HMCN1: variants seen among roughly 807,000 people sequenced by gnomAD.
The protein encoded by HMCN1 is hemicentin-1.
Under a neutral mutation model 625.9 loss-of-function variants are expected in HMCN1, and 321 were observed. The ratio of observed to expected loss-of-function variants is 0.51; its 90% CI spans 0.47 to 0.56. HMCN1 has a LOEUF of 0.56. Among genes scored for constraint, HMCN1 ranks in the 20% least tolerant of loss-of-function variants. HMCN1 has a pLI of 0.00. For synonymous variants in HMCN1, 2,425 were observed against 2,417.6 expected (o/e 1.00, Z -0.09); for missense variants, 6,588 against 6,887.3 (o/e 0.96, Z 1.54).
intron 56 of HMCN1, among the ~76,000 whole-genome samples, chr1:186,082,642 C>T (rs1282084406): frequency 6.6e-6 from 1 of 152,010 alleles, no homozygotes. Flanking sequence ...TTCTAGTCAA[C>T]ATACCACAAA....
intron 15 of HMCN1, among the ~76,000 whole-genome samples, chr1:185,975,266 G>A (rs965800207): frequency 1.3e-5 from 2 of 152,238 alleles, no homozygotes; most frequent in Admixed American, 1.3e-4. Context: ...TCCAAAGACT[G>A]GGTAATTTGT....
chr1:186,022,951 G>A (rs533224360), intron 35 of HMCN1, 79 bp from the exon 36 acceptor site: 88 of 1,374,358 alleles, frequency 6.4e-5, no homozygotes, highest in Non-Finnish European at 8.5e-5. Flanking sequence ...AAATTTAAAT[G>A]AATTTTTCTG....
chr1:185,945,145 ATATT>A (rs1264056840), intron 11 of HMCN1, among the ~76,000 whole-genome samples: 2 of 152,198 alleles, frequency 1.3e-5, no homozygotes, highest in African/African-American at 2.4e-5. Context: ...CAAAGGAGGA[ATATT>A]TATTTACTGC....
At chr1:186,136,967 A>T (rs1649644143) in intron 87 of HMCN1, 30 bp downstream of exon 87, 4 of 1,609,412 alleles carry the variant, frequency 2.5e-6, no homozygotes, top group Admixed American at 1.7e-5. Context: ...TATTCATAGT[A>T]AACAGTACCT....
intron 10 of HMCN1, among the ~76,000 whole-genome samples, chr1:185,930,239 C>T (rs762123268): frequency 7.3e-4 from 111 of 152,216 alleles, no homozygotes; most frequent in African/African-American, 2.4e-3. Flanking sequence ...AAAAAGAATA[C>T]GGTGGAAATG....
At position 186,086,237 on chromosome 1, in the gene HMCN1, C is replaced by A; in HGVS notation, c.8885-9C>A. On this transcript the variant is annotated splice_polypyrimidine_tract_variant and intron_variant, in intron 57 of 106. Coordinates refer to ENST00000271588, the MANE Select transcript of HMCN1 (RefSeq NM_031935.3). The stretch of plus-strand genomic sequence containing the variant: ...CCTGCTTTCACTTTTAATATATTTA[C>A]TATTATAGTTCCTCCAAGTGTCATT... The A allele has an allele frequency of 1.9e-6, 3 of 1,603,616 alleles. No individual in the cohort carries two copies. Among genetic ancestry groups the A allele is most frequent in the Non-Finnish European group, 2.6e-6 (3 of 1,171,048 alleles).
In HMCN1 at chr1:185,734,592, C is replaced by A; in HGVS notation, c.-188C>A. On this transcript the variant is annotated 5_prime_UTR_variant, in exon 1 of 107. Coordinates refer to ENST00000271588, the MANE Select transcript of HMCN1 (RefSeq NM_031935.3). ...AAAAGCTGCCGCATCCCTGCCCTGC[C>A]CAACCCCTGGAGGGATTCGAGTTTG... 1 of 621,936 alleles carries A rather than the reference C, an allele frequency of 1.6e-6. No homozygotes were observed. Among genetic ancestry groups the A allele is most frequent in the East Asian group, 2.7e-5 (1 of 36,408 alleles). The allele number at this position is 621,936 out of a possible 1,614,324, so 38.5% of individuals were successfully genotyped here.
chr1:185,831,352 TA>T (rs750405848), intron 1 of HMCN1, among the ~76,000 whole-genome samples: 1 of 152,094 alleles, frequency 6.6e-6, no homozygotes, highest in Non-Finnish European at 1.5e-5. Flanking sequence ...TTAATTTAAA[TA>T]AAAACCCCAA....
intron 93 of HMCN1, among the ~76,000 whole-genome samples, chr1:186,148,151 A>G (rs1331974614): frequency 6.6e-6 from 1 of 152,220 alleles, no homozygotes; most frequent in Non-Finnish European, 1.5e-5. Flanking sequence ...TCAGGAGTAG[A>G]TTCCATATCA....
At position 186,097,377 on chromosome 1, in the gene HMCN1, C is replaced by T. The variant is rs112462859; in HGVS notation, c.10573+1856C>T. On this transcript the variant is annotated intron_variant, in intron 68 of 106. Coordinates refer to ENST00000271588, the MANE Select transcript of HMCN1 (RefSeq NM_031935.3). Reference sequence around the variant, plus strand: ...CATTGGATGTGGAATCTGCAGATACCGAGGGCCAACTGTGTATCCATGGGT... The same window carrying T: ...CATTGGATGTGGAATCTGCAGATACTGAGGGCCAACTGTGTATCCATGGGT... 5.3e-5 allele frequency among the ~76,000 whole-genome samples: 8 copies of T among 151,992 alleles called. No homozygotes were observed. In the South Asian group the frequency reaches 6.2e-4, roughly 12 times the overall value.
Position 185,799,268 on chromosome 1 carries a change from G to A in HMCN1, c.269-46758G>A, listed in dbSNP as rs556675990. Among the ~76,000 whole-genome samples, 45 of 152,314 alleles carry A rather than the reference G, an allele frequency of 3.0e-4. No individual in the cohort carries two copies. In the South Asian group the frequency reaches 5.2e-3, roughly 18 times the overall value. On this transcript the variant is annotated intron_variant, in intron 1 of 106. Coordinates refer to ENST00000271588, the MANE Select transcript of HMCN1 (RefSeq NM_031935.3). The stretch of plus-strand genomic sequence containing the variant: ...GTGGAAGTCTCAAGAGGCTTATCTT[G>A]TTCCCAAGTGCTATGCATTTGTGTC...
chr1:186,095,667 C>T, intron 68 of HMCN1, 146 bp downstream of exon 68: 2 of 767,898 alleles, frequency 2.6e-6, no homozygotes, highest in East Asian at 2.7e-5. Flanking sequence ...TTATAATTCA[C>T]CTTGGCTTAC....
At chr1:186,066,726 T>TCTTTTTCCTTCACATAA (rs1658141821) in intron 49 of HMCN1, among the ~76,000 whole-genome samples, 1 of 152,190 alleles carries the variant, frequency 6.6e-6, no homozygotes, top group Non-Finnish European at 1.5e-5. Context: ...TTCACAATGC[T>TCTTTTTCCTTCACATAA]CTTTCCCAGT....
intron 1 of HMCN1, among the ~76,000 whole-genome samples, chr1:185,787,464 G>A (rs540485189): frequency 6.6e-6 from 1 of 152,250 alleles, no homozygotes; most frequent in Admixed American, 6.5e-5. Context: ...TGAAGCTCAT[G>A]GCATGCTAAG....
In HMCN1 at chr1:186,126,705, G is replaced by A. The variant is rs2102505539; in HGVS notation, c.12690+911G>A. Among the ~76,000 whole-genome samples, 3 of 152,288 alleles carry A rather than the reference G, an allele frequency of 2.0e-5. No homozygotes were observed. The Middle Eastern group carries it at 0.01, about 518-fold the overall frequency. Reference sequence around the variant, plus strand: ...TGTATTTGAAAAGCAGGAAGCCAGTGAAAGCAAAGCAAAGAATGAAAGGAG... The same window carrying A: ...TGTATTTGAAAAGCAGGAAGCCAGTAAAAGCAAAGCAAAGAATGAAAGGAG... On this transcript the variant is annotated intron_variant, in intron 82 of 106. Transcript: ENST00000271588.
At chr1:186,054,666 G>T (rs959722633) in intron 44 of HMCN1, among the ~76,000 whole-genome samples, 1 of 152,030 alleles carries the variant, frequency 6.6e-6, no homozygotes, top group South Asian at 2.1e-4. Flanking sequence ...AAAAGTTTGT[G>T]TTCTCACATA....
At chr1:186,161,348 C>T (rs1366188237) in intron 97 of HMCN1, among the ~76,000 whole-genome samples, 5 of 150,518 alleles carry the variant, frequency 3.3e-5, no homozygotes, top group Non-Finnish European at 5.9e-5. Flanking sequence ...GAATACAACA[C>T]GCTGATGGGT....
rs7522627 is a variant in HMCN1, at chr1:186,061,909, C to T, written c.7371C>T (p.Cys2457=). The part of the protein sequence containing the change: ...TTMEDAGQYT[C]VVRNAAGEER... ...TGGAAGATGCTGGCCAATATACTTGCGTTGTAAGGAATGCAGCTGGTGAAG... is the reference window on the plus strand; with the variant it reads ...TGGAAGATGCTGGCCAATATACTTGTGTTGTAAGGAATGCAGCTGGTGAAG... The change falls in exon 47 of 107, where the codon TGC becomes TGT. Residue 2457 remains cysteine, a synonymous_variant. Transcript: ENST00000271588. 898,630 of 1,611,088 alleles carry T rather than the reference C, an allele frequency of 0.56. 255,769 individuals are homozygous for T. The highest frequency in any genetic ancestry group is 0.82 in the African/African-American group (61,209 of 74,902).
At chr1:186,012,229 T>A (rs994459560) in intron 30 of HMCN1, among the ~76,000 whole-genome samples, 1 of 151,782 alleles carries the variant, frequency 6.6e-6, no homozygotes, top group African/African-American at 2.4e-5. Flanking sequence ...TCTAAGCCTT[T>A]TTTTTTTTGC....
Sources: gnomAD v4.1 joint callset for allele counts (sites outside exome capture counted in the v4.1 genomes callset) on GRCh38, gnomAD v4.1.1 for gene constraint, MANE v1.5 for transcripts, NCBI Gene and HGNC (gene_info 2026-07-23, HGNC 2026-07-21) for gene names.